The following PTHLH variants were observed in gnomAD, a reference collection of about 807,000 sequenced individuals.
The protein encoded by PTHLH is parathyroid hormone-related protein.
In PTHLH, 5 loss-of-function variants were observed where a neutral mutation model predicts 18.6. The ratio of observed to expected loss-of-function variants is 0.27; its 90% CI spans 0.14 to 0.56. PTHLH has a LOEUF of 0.56. Among genes scored for constraint, PTHLH ranks in the 20% least tolerant of loss-of-function variants. The pLI is 0.92. For missense variants in PTHLH, 207 were observed against 223.9 expected (o/e 0.92, Z 0.48); for synonymous variants, 90 against 94.0 (o/e 0.96, Z 0.25).
At chr12:27,964,447 A>C (rs2120639955) in intron 4 of PTHLH, among the ~76,000 whole-genome samples, 1 of 151,648 alleles carries the variant, frequency 6.6e-6, no homozygotes, top group East Asian at 1.9e-4. Context: ...GGCTACCAAG[A>C]ACATACATTT....
chr12:27,969,421 C>A lies in PTHLH; in HGVS notation c.74G>T (p.Arg25Leu), dbSNP rs1480108607. 6.3e-7 allele frequency: 1 copy of A among 1,590,102 alleles called. No homozygotes were observed. Among genetic ancestry groups the A allele is most frequent in the Non-Finnish European group, 8.5e-7 (1 of 1,170,872 alleles). ...LLSYAVPSCG[R>L]SVEGLSRRLK... Reference sequence around the variant, plus strand: ...GCGGCGGCTGAGACCCTCCACCGAGCGCCCGCAGGAGGGCACCGCGTAGCT... The same window carrying A: ...GCGGCGGCTGAGACCCTCCACCGAGAGCCCGCAGGAGGGCACCGCGTAGCT... Residue 25 changes from arginine (R) to leucine (L), a missense_variant, in exon 4 of 6, where the codon CGC becomes CTC. Arg to Leu is a moderately radical substitution (Grantham distance 102). Coordinates refer to ENST00000545234, the MANE Select transcript of PTHLH (RefSeq NM_198965.2).
intron 2 of PTHLH, among the ~76,000 whole-genome samples, chr12:27,970,734 A>G (rs888363540): frequency 1.3e-5 from 2 of 152,070 alleles, no homozygotes; most frequent in African/African-American, 2.4e-5. Flanking sequence ...GAGGAGGCCA[A>G]GGAGCTGGGC....
At chr12:27,959,586 A>T (rs1591845189) in intron 5 of PTHLH, among the ~76,000 whole-genome samples, 3 of 152,366 alleles carry the variant, frequency 2.0e-5, no homozygotes, top group East Asian at 3.9e-4. Flanking sequence ...CATTGAATTA[A>T]CAGTCAGAGT....
chr12:27,967,342 ATTGTTATAGTAATTT>A (rs1241674372), intron 4 of PTHLH, among the ~76,000 whole-genome samples: 3 of 152,186 alleles, frequency 2.0e-5, no homozygotes, highest in African/African-American at 4.8e-5. Context: ...AGGAAGTCTT[ATTGTTATAGTAATTT>A]CCTCTCCCTT....
chr12:27,959,511 C>T (rs2062736804), intron 5 of PTHLH, among the ~76,000 whole-genome samples: 1 of 152,080 alleles, frequency 6.6e-6, no homozygotes, highest in Non-Finnish European at 1.5e-5. Flanking sequence ...TTTCTCTTCT[C>T]TTTGTGTGGT....
chr12:27,969,309 T>C (rs889188272), intron 4 of PTHLH, 85 bp downstream of exon 4: 1 of 1,336,608 alleles, frequency 7.5e-7, no homozygotes, highest in Non-Finnish European at 1.0e-6. Flanking sequence ...CGGTGACCGC[T>C]GCAAGCCCTC....
rs193277510 is a variant in PTHLH, at chr12:27,958,815, G to A, written c.525-247C>T. Among the ~76,000 whole-genome samples, 274 of 152,276 alleles carry A rather than the reference G, an allele frequency of 1.8e-3. 1 individual carries two copies. The highest frequency in any genetic ancestry group is 4.3e-3 in the Admixed American group (66 of 15,290). On this transcript the variant is annotated intron_variant, in intron 5 of 5. Transcript: ENST00000545234. ...ATGTGCGGAAAGGAAAAGGGCCTGC[G>A]TTTCCAATCATGCTGTCAGAAAAAG...
Position 27,963,438 on chromosome 12 carries a change from G to A in PTHLH, c.434C>T (p.Ser145Phe), listed in dbSNP as rs771925343. Residue 145 changes from serine to phenylalanine, a missense_variant, in exon 5 of 6, where the codon TCT becomes TTT. By Grantham distance (155) the Ser-to-Phe change is radical. Coordinates refer to ENST00000545234, the MANE Select transcript of PTHLH (RefSeq NM_198965.2). ...AGTCACTCCAGAGTCTAACCAGGCA[G>A]AGCGAGTTCGCCGTTTTTTCTTTTC... Reference protein sequence around the residue: ...EQEKKKRRTRSAWLDSGVTGS... With the variant: ...EQEKKKRRTRFAWLDSGVTGS... The A allele has an allele frequency of 6.2e-6, 10 of 1,614,088 alleles. No individual in the cohort carries two copies. The highest frequency in any genetic ancestry group is 3.3e-5 in the Admixed American group (2 of 60,010).
At position 27,958,396 on chromosome 12, in the gene PTHLH, A is replaced by T; in HGVS notation, c.*163T>A. The stretch of plus-strand genomic sequence containing the variant: ...TTGGATTAGCCTTGGCAAAAAAAAA[A>T]TATTCACAATGACCAATGTGCAGTT... On this transcript the variant is annotated 3_prime_UTR_variant, in exon 6 of 6. Transcript: ENST00000545234. 1.8e-6 allele frequency: 1 copy of T among 551,076 alleles called. No individual in the cohort carries two copies. The highest frequency in any genetic ancestry group is 2.9e-6 in the Non-Finnish European group (1 of 344,504). The allele number at this position is 551,076 out of a possible 1,614,324, so 34.1% of individuals were successfully genotyped here. A position where few individuals can be genotyped will look rare whatever the true frequency, so the allele number is the denominator to read the frequency against.
At chr12:27,959,221 A>G (rs1044438134) in intron 5 of PTHLH, among the ~76,000 whole-genome samples, 1 of 152,212 alleles carries the variant, frequency 6.6e-6, no homozygotes, top group Non-Finnish European at 1.5e-5. Flanking sequence ...TGGATTTTGT[A>G]GTAGTTTTCA....
chr12:27,963,790 AG>A lies in PTHLH; in HGVS notation c.102-21del. On this transcript the variant is annotated intron_variant, in intron 4 of 5. Transcript: ENST00000545234. ...CTTTTGCTTTGAAAGAAAATATTAG[AG>A]GGGAAGAAAACAGTTAAATTTTAGT... is the stretch of plus-strand genomic sequence containing the variant. 4 of 1,612,278 alleles carry A rather than the reference AG, an allele frequency of 2.5e-6. No homozygotes were observed. The highest frequency in any genetic ancestry group is 1.3e-5 in the African/African-American group (1 of 74,998).
At chr12:27,967,932 C>G (rs1345278683) in intron 4 of PTHLH, among the ~76,000 whole-genome samples, 1 of 152,154 alleles carries the variant, frequency 6.6e-6, no homozygotes, top group African/African-American at 2.4e-5. Context: ...AAAGAGAAAA[C>G]AGGTATTTCT....
At chr12:27,959,569 G>C (rs1224516670) in intron 5 of PTHLH, among the ~76,000 whole-genome samples, 1 of 152,094 alleles carries the variant, frequency 6.6e-6, no homozygotes, top group Non-Finnish European at 1.5e-5. Flanking sequence ...AATTTGATTG[G>C]CTATGTCATT....
At chr12:27,966,412 T>C (rs776316770) in intron 4 of PTHLH, among the ~76,000 whole-genome samples, 2 of 152,228 alleles carry the variant, frequency 1.3e-5, no homozygotes, top group Non-Finnish European at 2.9e-5. Context: ...CAAAAACTTC[T>C]GCAATTAAAG....
intron 2 of PTHLH, among the ~76,000 whole-genome samples, chr12:27,970,865 C>T (rs761196950): frequency 2.0e-5 from 3 of 152,198 alleles, no homozygotes; most frequent in Non-Finnish European, 4.4e-5. Flanking sequence ...TCCTCCCTGG[C>T]CCATTCCCGG....
intron 4 of PTHLH, 65 bp downstream of exon 4, chr12:27,969,329 C>G (rs1304421618): frequency 7.5e-6 from 11 of 1,459,642 alleles, no homozygotes; most frequent in Non-Finnish European, 9.3e-6. Context: ...CGGCAGCATC[C>G]CAGCTTGGCA....
intron 2 of PTHLH, among the ~76,000 whole-genome samples, chr12:27,971,084 C>T (rs2062868290): frequency 6.6e-6 from 1 of 152,050 alleles, no homozygotes; most frequent in South Asian, 2.1e-4. Context: ...AGCACGCACA[C>T]GGCCCTTTTC....
Position 27,969,453 on chromosome 12 carries a change from G to T in PTHLH, c.42C>A (p.Phe14Leu), listed in dbSNP as rs765337798. 19 of 1,593,254 alleles carry T rather than the reference G, an allele frequency of 1.2e-5. No individual in the cohort carries two copies. In the African/African-American group the frequency reaches 2.6e-4, roughly 21 times the overall value. The change falls in exon 4 of 6, where the codon TTC becomes TTA. Residue 14 changes from phenylalanine (F) to leucine (L), a missense_variant. Physicochemically the swap from Phe to Leu is conservative, Grantham distance 22. Transcript: ENST00000545234. ...AGGAGGGCACCGCGTAGCTCAGCAGGAACACCGCGACGCTCCACTGCTGAA... is the reference window on the plus strand; with the variant it reads ...AGGAGGGCACCGCGTAGCTCAGCAGTAACACCGCGACGCTCCACTGCTGAA... ...RLVQQWSVAV[F>L]LLSYAVPSCG...
intron 3 of PTHLH, 160 bp from the exon 4 acceptor site, chr12:27,969,676 C>G (rs200700333): frequency 3.7e-5 from 29 of 777,524 alleles, no homozygotes; most frequent in Non-Finnish European, 6.7e-5. Context: ...CCTCTCAGCA[C>G]TTACTTATTT....
Sources: gnomAD v4.1 joint callset for allele counts (sites outside exome capture counted in the v4.1 genomes callset) on GRCh38, gnomAD v4.1.1 for gene constraint, MANE v1.5 for transcripts, NCBI Gene and HGNC (gene_info 2026-07-23, HGNC 2026-07-21) for gene names.